Variants in ZNF763 observed in about 807,000 individuals in gnomAD.
The protein encoded by ZNF763 is zinc finger protein 763.
ZNF763 carries 33 observed loss-of-function variants against 38.0 expected under a neutral mutation model. The ratio of observed to expected loss-of-function variants is 0.87; its 90% confidence interval spans 0.66 to 1.16. The LOEUF (loss-of-function observed/expected upper bound fraction) is 1.16, where lower values mean the gene tolerates loss of function less well. Among genes scored for constraint, ZNF763 ranks in the 50% most tolerant of loss-of-function variants. The probability of loss-of-function intolerance (pLI) is 0.00; values close to 1 mark genes in which losing one functional copy is unlikely to be tolerated. For missense variants in ZNF763, 423 were observed against 469.1 expected (o/e 0.90, Z 0.91); for synonymous variants, 155 against 160.1 (o/e 0.97, Z 0.24).
At chr19:11,971,500 C>T (rs1241904653) in intron 1 of ZNF763, among the ~76,000 whole-genome samples, 1 of 152,094 alleles carries the variant, frequency 6.6e-6, no homozygotes, top group Non-Finnish European at 1.5e-5. Flanking sequence ...TGTTCTTAGT[C>T]ATTGTCTTCT....
chr19:11,978,839 T>C lies in ZNF763; in HGVS notation c.915T>C (p.Thr305=), dbSNP rs1973556033. 6.2e-7 allele frequency: 1 copy of C among 1,614,164 alleles called. No homozygotes were observed. Among genetic ancestry groups the C allele is most frequent in the South Asian group, 1.1e-5 (1 of 91,078 alleles). Residue 305 remains threonine (T), a synonymous_variant, in exon 4 of 4, where the codon ACT becomes ACC. Transcript: ENST00000358987. ...WCHSFQIHER[T]HTGEKPCECS... ...ATTCCTTTCAAATACATGAAAGAAC[T>C]CACACTGGGGAGAAGCCCTGTGAAT...
rs1259309882 is a variant in ZNF763 at position 11,978,476 on chromosome 19, T to C, written c.552T>C (p.His184=). 1 of 1,614,108 alleles carries C rather than the reference T, an allele frequency of 6.2e-7. No homozygotes were observed. Among genetic ancestry groups the C allele is most frequent in the Admixed American group, 1.7e-5 (1 of 60,016 alleles). The change falls in exon 4 of 4, where the codon CAT becomes CAC. Residue 184 remains histidine (H), a synonymous_variant. Transcript: ENST00000358987. The stretch of plus-strand genomic sequence containing the variant: ...AATGTGGAAAAACCTTTATTTCCCA[T>C]TCAGGCATTCGAAGACGCATGGTAA... ...CKECGKTFIS[H]SGIRRRMVMH...
chr19:11,974,419 A>C (rs531061689), intron 1 of ZNF763, among the ~76,000 whole-genome samples: 1 of 151,750 alleles, frequency 6.6e-6, no homozygotes, highest in South Asian at 2.1e-4. Flanking sequence ...GTGGTCTCAA[A>C]TTTCTGACCT....
intron 1 of ZNF763, among the ~76,000 whole-genome samples, chr19:11,971,792 G>C (rs904341698): frequency 6.6e-6 from 1 of 152,072 alleles, no homozygotes; most frequent in East Asian, 1.9e-4. Flanking sequence ...GGCCGGGCGC[G>C]GTGGCTCACG....
chr19:11,976,875 C>A, intron 1 of ZNF763, 163 bp from the exon 2 acceptor site: 1 of 1,483,088 alleles, frequency 6.7e-7, no homozygotes, highest in South Asian at 1.4e-5. Flanking sequence ...ACAACAACAA[C>A]AAAAATGCTT....
chr19:11,966,040 T>C (rs973163087), intron 1 of ZNF763, among the ~76,000 whole-genome samples: 1 of 152,164 alleles, frequency 6.6e-6, no homozygotes, highest in Non-Finnish European at 1.5e-5. Flanking sequence ...GGGTCTGTTA[T>C]CTGCCACTTG....
chr19:11,972,262 G>A (rs1465158848), intron 1 of ZNF763, among the ~76,000 whole-genome samples: 1 of 151,620 alleles, frequency 6.6e-6, no homozygotes, highest in African/African-American at 2.4e-5. Flanking sequence ...TCCAGCCTGG[G>A]CAACAGAATG....
intron 1 of ZNF763, among the ~76,000 whole-genome samples, chr19:11,971,132 A>T (rs1219894112): frequency 6.6e-6 from 1 of 152,168 alleles, no homozygotes; most frequent in African/African-American, 2.4e-5. Flanking sequence ...AGACTGGGTA[A>T]CTTAAAGAAT....
chr19:11,974,692 T>C (rs1212854277), intron 1 of ZNF763, among the ~76,000 whole-genome samples: 1 of 151,986 alleles, frequency 6.6e-6, no homozygotes, highest in Non-Finnish European at 1.5e-5. Context: ...AACTTCCACC[T>C]CCCAGATTCA....
At position 11,979,923 on chromosome 19, in the gene ZNF763, T is replaced by G. The variant is rs971038386; in HGVS notation, c.*814T>G. 7.4e-7 allele frequency: 1 copy of G among 1,358,022 alleles called. No individual in the cohort carries two copies. The highest frequency in any genetic ancestry group is 1.0e-6 in the Non-Finnish European group (1 of 955,544). 84.1% of individuals were successfully genotyped at this position (1,358,022 alleles called of 1,614,324 possible). A position where few individuals can be genotyped will look rare whatever the true frequency, so the allele number is the denominator to read the frequency against. ...AAATGTAAGATATGTGGGAAAGGCT[T>G]TTATTCTGCCAAGTCATTTCAAATA... On this transcript the variant is annotated 3_prime_UTR_variant, in exon 4 of 4. Coordinates refer to ENST00000358987, the MANE Select transcript of ZNF763 (RefSeq NM_001367172.2).
rs1048908392 is a variant in ZNF763 at position 11,966,828 on chromosome 19, G to C, written c.3+1617G>C. Among the ~76,000 whole-genome samples, 6 of 152,132 alleles carry C rather than the reference G, an allele frequency of 3.9e-5. No homozygotes were observed. The South Asian group carries it at 6.2e-4, about 16-fold the overall frequency. On this transcript the variant is annotated intron_variant, in intron 1 of 3. Coordinates refer to ENST00000358987, the MANE Select transcript of ZNF763 (RefSeq NM_001367172.2). ...AATCGAAAGGTTCAGATTTCAGCTG[G>C]AAGAGTTTATTCAAGCAGAAAGATA...
chr19:11,979,025 T>G lies in ZNF763; in HGVS notation c.1101T>G (p.Pro367=), dbSNP rs369460762. ...RHERTHSAKK[P]YECKQCGKAL... ...AAAGGACCCACTCTGCGAAAAAACC[T>G]TATGAATGTAAGCAGTGTGGGAAAG... The change falls in exon 4 of 4, where the codon CCT becomes CCG. Residue 367 remains proline, a synonymous_variant. Coordinates refer to ENST00000358987, the MANE Select transcript of ZNF763 (RefSeq NM_001367172.2). The G allele has an allele frequency of 2.4e-5, 39 of 1,614,092 alleles. No homozygotes were observed. The highest frequency in any genetic ancestry group is 3.3e-5 in the Non-Finnish European group (39 of 1,180,038).
At chr19:11,968,013 C>T (rs368451708) in intron 1 of ZNF763, among the ~76,000 whole-genome samples, 1 of 152,224 alleles carries the variant, frequency 6.6e-6, no homozygotes, top group South Asian at 2.1e-4. Flanking sequence ...GATGTTCTGT[C>T]GTTGTGGGAG....
In ZNF763 at chr19:11,977,356, G is replaced by T. The variant is rs1973517486; in HGVS notation, c.131-15G>T. 3.1e-6 allele frequency: 5 copies of T among 1,613,232 alleles called. No homozygotes were observed. In the African/African-American group the frequency reaches 4.0e-5, roughly 13 times the overall value. On this transcript the variant is annotated splice_polypyrimidine_tract_variant and intron_variant, in intron 2 of 3. Transcript: ENST00000358987. ...TATATTGCTTCAGGACTACTTTTCT[G>T]TGTCTGTATTTTAGGGAAAAAGTGG... is the stretch of plus-strand genomic sequence containing the variant.
At chr19:11,971,190 G>A (rs1973344096) in intron 1 of ZNF763, among the ~76,000 whole-genome samples, 1 of 152,110 alleles carries the variant, frequency 6.6e-6, no homozygotes, top group South Asian at 2.1e-4. Flanking sequence ...CCATGTTCAG[G>A]GAGTTGGCAG....
At chr19:11,970,927 A>C (rs940805955) in intron 1 of ZNF763, among the ~76,000 whole-genome samples, 1 of 152,072 alleles carries the variant, frequency 6.6e-6, no homozygotes, top group Non-Finnish European at 1.5e-5. Flanking sequence ...GTGAAACCTC[A>C]TTTCAAAAAA....
chr19:11,977,180 T>G lies in ZNF763; in HGVS notation c.130+16T>G. 3 of 1,613,774 alleles carry G rather than the reference T, an allele frequency of 1.9e-6. No individual in the cohort carries two copies. Among genetic ancestry groups the G allele is most frequent in the Non-Finnish European group, 2.5e-6 (3 of 1,179,850 alleles). ...ACCTCTATAGGTAAGGATGACAATA[T>G]TCCTTCCCTCAGTCCATTAGTGAAC... On this transcript the variant is annotated intron_variant, in intron 2 of 3. Coordinates refer to ENST00000358987, the MANE Select transcript of ZNF763 (RefSeq NM_001367172.2).
chr19:11,978,312 G>A lies in ZNF763; in HGVS notation c.388G>A (p.Gly130Arg). Residue 130 changes from glycine to arginine, a missense_variant, in exon 4 of 4, where the codon GGG (glycine) becomes AGG (arginine). Coordinates refer to ENST00000358987, the MANE Select transcript of ZNF763 (RefSeq NM_001367172.2). ...SFNMNIRGDI[G>R]HKAYEYQDYA... Reference sequence around the variant, plus strand: ...TAATATGAACATCAGAGGTGACATTGGGCACAAGGCATACGAGTATCAGGA... The same window carrying A: ...TAATATGAACATCAGAGGTGACATTAGGCACAAGGCATACGAGTATCAGGA... 3 of 1,614,086 alleles carry A rather than the reference G, an allele frequency of 1.9e-6. No individual in the cohort carries two copies. The highest frequency in any genetic ancestry group is 2.5e-6 in the Non-Finnish European group (3 of 1,180,016).
chr19:11,979,390 T>G lies in ZNF763; in HGVS notation c.*281T>G. 1 of 1,611,366 alleles carries G rather than the reference T, an allele frequency of 6.2e-7. No homozygotes were observed. Among genetic ancestry groups the G allele is most frequent in the Admixed American group, 1.7e-5 (1 of 59,822 alleles). On this transcript the variant is annotated 3_prime_UTR_variant, in exon 4 of 4. Coordinates refer to ENST00000358987, the MANE Select transcript of ZNF763 (RefSeq NM_001367172.2). ...AGGAATGTGGGAAAGCCTTCAGATC[T>G]GCCTCACACCTTCAAATTCATGAAA...
Sources: gnomAD v4.1 joint callset for allele counts (sites outside exome capture counted in the v4.1 genomes callset) on GRCh38, gnomAD v4.1.1 for gene constraint, MANE v1.5 for transcripts, NCBI Gene and HGNC (gene_info 2026-07-23, HGNC 2026-07-21) for gene names.